CATSPERE: variants seen among roughly 807,000 people sequenced by gnomAD.
The protein encoded by CATSPERE is cation channel sperm-associated auxiliary subunit epsilon.
In CATSPERE, 93 loss-of-function variants were observed where a neutral mutation model predicts 114.1. The observed-to-expected ratio is 0.81, with a 90% CI of 0.69 to 0.97. CATSPERE has a LOEUF of 0.97. CATSPERE is among the 50% of genes least tolerant of loss of function. The pLI, the probability that CATSPERE is intolerant of heterozygous loss-of-function variation, is 0.00. For missense variants in CATSPERE, 1,058 were observed against 1,131.6 expected (o/e 0.93, Z 0.93); for synonymous variants, 341 against 384.1 (o/e 0.89, Z 1.31).
chr1:244,618,856 T>A (rs1671728759), intron 20 of CATSPERE, among the ~76,000 whole-genome samples: 1 of 151,548 alleles, frequency 6.6e-6, no homozygotes, highest in African/African-American at 2.4e-5. Context: ...AGGAAAGAGG[T>A]CAAAGGAAGG....
At chr1:244,459,368 C>T (rs538490892), upstream of CATSPERE, among the ~76,000 whole-genome samples, 414 of 152,288 alleles carry the variant, frequency 2.7e-3, 2 homozygotes, top group Non-Finnish European at 4.8e-3. Flanking sequence ...TGAGCCACCG[C>T]GCCCAGCCTG....
At chr1:244,487,207 G>A (rs1297258138) in intron 5 of CATSPERE, among the ~76,000 whole-genome samples, 2 of 151,660 alleles carry the variant, frequency 1.3e-5, no homozygotes, top group African/African-American at 4.9e-5. Flanking sequence ...GAATAGTTGT[G>A]GGCCAGGTGC....
chr1:244,602,832 G>A (rs551596496), intron 17 of CATSPERE, among the ~76,000 whole-genome samples: 67 of 152,172 alleles, frequency 4.4e-4, no homozygotes, highest in Non-Finnish European at 7.5e-4. Flanking sequence ...ATATACAGAC[G>A]CGGAAATGGC....
At chr1:244,550,058 G>T (rs1026649987) in intron 8 of CATSPERE, among the ~76,000 whole-genome samples, 1 of 152,094 alleles carries the variant, frequency 6.6e-6, no homozygotes, top group African/African-American at 2.4e-5. Flanking sequence ...CTTGGACCAG[G>T]ACTCACACCA....
At chr1:244,566,530 T>C (rs950274907) in intron 10 of CATSPERE, among the ~76,000 whole-genome samples, 1 of 152,144 alleles carries the variant, frequency 6.6e-6, no homozygotes, top group Non-Finnish European at 1.5e-5. Flanking sequence ...CATGTATATT[T>C]AGGATAGTTA....
intron 5 of CATSPERE, among the ~76,000 whole-genome samples, chr1:244,487,713 G>A (rs914193210): frequency 6.6e-6 from 1 of 152,098 alleles, no homozygotes; most frequent in Non-Finnish European, 1.5e-5. Flanking sequence ...GGAGGGGAAG[G>A]CTGGTCAGGA....
At chr1:244,578,843 T>TAGATAC (rs756669283) in intron 11 of CATSPERE, among the ~76,000 whole-genome samples, 1 of 139,598 alleles carries the variant, frequency 7.2e-6, no homozygotes, top group Non-Finnish European at 1.5e-5. Context: ...TATATATATA[T>TAGATAC]ACACACACAC....
chr1:244,518,491 A>G (rs1676994812), intron 7 of CATSPERE, 101 bp from the exon 8 acceptor site: 4 of 736,866 alleles, frequency 5.4e-6, no homozygotes, highest in African/African-American at 3.7e-5. Flanking sequence ...AAATGTAAGC[A>G]ATGTCTTAAC....
At chr1:244,453,659 A>G (rs1665844855), upstream of CATSPERE, among the ~76,000 whole-genome samples, 2 of 152,144 alleles carry the variant, frequency 1.3e-5, no homozygotes, top group East Asian at 3.9e-4. Context: ...GGTGCTGCCA[A>G]CCCAGTGTGC....
At chr1:244,559,840 T>A (rs1056338538) in intron 9 of CATSPERE, among the ~76,000 whole-genome samples, 1 of 152,204 alleles carries the variant, frequency 6.6e-6, no homozygotes, top group Non-Finnish European at 1.5e-5. Context: ...GTCCTACCGA[T>A]AGAAACAATT....
At chr1:244,531,876 A>G (rs59601408) in intron 8 of CATSPERE, among the ~76,000 whole-genome samples, 18,486 of 152,078 alleles carry the variant, frequency 0.12, 1,886 homozygotes, top group African/African-American at 0.28. Context: ...CACCTCTTCT[A>G]TTTTTGGGGA....
intron 20 of CATSPERE, among the ~76,000 whole-genome samples, chr1:244,628,830 A>G (rs750777811): frequency 6.6e-6 from 1 of 152,152 alleles, no homozygotes; most frequent in Non-Finnish European, 1.5e-5. Flanking sequence ...TTTTTTCATC[A>G]GCGAGGAACT....
chr1:244,545,459 T>G (rs1299008445), intron 8 of CATSPERE, among the ~76,000 whole-genome samples: 1 of 152,216 alleles, frequency 6.6e-6, no homozygotes, highest in Admixed American at 6.5e-5. Context: ...CAGACTGCTC[T>G]GCCACTTGGG....
intron 9 of CATSPERE, among the ~76,000 whole-genome samples, chr1:244,559,623 T>C (rs112671851): frequency 2.6e-5 from 4 of 152,298 alleles, no homozygotes; most frequent in African/African-American, 9.6e-5. Flanking sequence ...AAGGGTAGAA[T>C]TCATTTGTCT....
chr1:244,595,932 C>CAAAAAAAAA (rs1668351970), intron 17 of CATSPERE, among the ~76,000 whole-genome samples: 2 of 150,118 alleles, frequency 1.3e-5, no homozygotes, highest in Non-Finnish European at 3.0e-5. Flanking sequence ...GACTCCGTCT[C>CAAAAAAAAA]AAAAAAGAAA....
chr1:244,626,670 A>T (rs1317176581), intron 20 of CATSPERE, among the ~76,000 whole-genome samples: 1 of 152,076 alleles, frequency 6.6e-6, no homozygotes, highest in East Asian at 1.9e-4. Context: ...ATTTTATGTT[A>T]TGCAGATGGC....
intron 20 of CATSPERE, among the ~76,000 whole-genome samples, chr1:244,626,446 T>C (rs1010336924): frequency 2.9e-5 from 4 of 137,876 alleles, no homozygotes; most frequent in Admixed American, 2.5e-4. Context: ...GATCACACCA[T>C]TGCACTCCAG....
At chr1:244,608,280 C>G (rs377254529) in intron 18 of CATSPERE, among the ~76,000 whole-genome samples, 9 of 152,176 alleles carry the variant, frequency 5.9e-5, no homozygotes, top group Admixed American at 1.3e-4. Flanking sequence ...CACCTATAAT[C>G]CCAGCACTTT....
chr1:244,581,749 C>T (rs1481823319), intron 11 of CATSPERE, 47 bp from the exon 12 acceptor site: 1 of 847,330 alleles, frequency 1.2e-6, no homozygotes, highest in East Asian at 2.9e-5. Context: ...GGGATCACCA[C>T]CCCCAATTTC....
Sources: gnomAD v4.1 joint callset for allele counts (sites outside exome capture counted in the v4.1 genomes callset) on GRCh38, gnomAD v4.1.1 for gene constraint, MANE v1.5 for transcripts, NCBI Gene and HGNC (gene_info 2026-07-23, HGNC 2026-07-21) for gene names.